BRD10: variants seen among roughly 807,000 people sequenced by gnomAD.
BRD10 encodes uncharacterized bromodomain-containing protein 10.
the BRD10 span, among the ~76,000 whole-genome samples, chr9:6,002,425 T>C: frequency 6.6e-6 from 1 of 152,062 alleles, no homozygotes; most frequent in Non-Finnish European, 1.5e-5. Context: ...ATCCCCAATT[T>C]GTAAAGATTT....
At chr9:5,922,273 T>C in the BRD10 span, 1 of 1,613,894 alleles carries the variant, frequency 6.2e-7, no homozygotes, top group Non-Finnish European at 8.5e-7. Context: ...ACCCATTTAG[T>C]GTTGTTGTTG....
At chr9:5,983,104 C>T in the BRD10 span, among the ~76,000 whole-genome samples, 2 of 152,130 alleles carry the variant, frequency 1.3e-5, no homozygotes, top group Non-Finnish European at 2.9e-5. Flanking sequence ...AAAGTTAAAT[C>T]TGACCAGAAT....
At chr9:5,987,431 C>G in the BRD10 span, among the ~76,000 whole-genome samples, 1 of 152,086 alleles carries the variant, frequency 6.6e-6, no homozygotes, top group Admixed American at 6.5e-5. Flanking sequence ...CTGTACGCTA[C>G]TGTCAAGTTA....
the BRD10 span, chr9:5,920,085 C>A: frequency 1.9e-6 from 3 of 1,613,894 alleles, no homozygotes; most frequent in Non-Finnish European, 2.5e-6. Context: ...CTTGCATTCC[C>A]AAAAGAGTTT....
the BRD10 span, among the ~76,000 whole-genome samples, chr9:6,005,233 G>A: frequency 1.6e-4 from 24 of 152,286 alleles, no homozygotes; most frequent in African/African-American, 4.8e-4. Context: ...ATTATAGGCC[G>A]GGCGCGGTGG....
the BRD10 span, among the ~76,000 whole-genome samples, chr9:5,893,386 G>A: frequency 2.6e-5 from 4 of 152,182 alleles, no homozygotes; most frequent in East Asian, 1.9e-4. Context: ...CTGTGAACCT[G>A]CTCTTTCTTT....
At chr9:6,007,077 C>A in the BRD10 span, 1 of 1,039,882 alleles carries the variant, frequency 9.6e-7, no homozygotes. Context: ...GCTTCTCCAG[C>A]ACCGACTCAG....
chr9:5,952,270 C>G, the BRD10 span, among the ~76,000 whole-genome samples: 2 of 152,056 alleles, frequency 1.3e-5, no homozygotes, highest in African/African-American at 2.4e-5. Flanking sequence ...ATCCGCCTGC[C>G]TCGGCCTCCC....
the BRD10 span, chr9:5,920,188 T>C: frequency 1.1e-5 from 17 of 1,613,898 alleles, no homozygotes; most frequent in African/African-American, 1.7e-4. Context: ...CAGAGTTATC[T>C]ATTGGTGTAG....
the BRD10 span, among the ~76,000 whole-genome samples, chr9:5,998,235 T>C: frequency 3.8e-3 from 573 of 152,240 alleles, 3 homozygotes; most frequent in African/African-American, 0.012. Context: ...TGGAGACTGG[T>C]GAAAGAGGGA....
the BRD10 span, among the ~76,000 whole-genome samples, chr9:5,885,334 G>T: frequency 1.1e-3 from 160 of 151,928 alleles, no homozygotes; most frequent in African/African-American, 3.7e-3. Flanking sequence ...CTTTCTCAAT[G>T]AACAACTTGC....
At chr9:5,890,184 T>G in the BRD10 span, among the ~76,000 whole-genome samples, 20 of 152,342 alleles carry the variant, frequency 1.3e-4, no homozygotes, top group South Asian at 4.1e-3. Flanking sequence ...ATGATTGGGT[T>G]TCCATGTTCA....
chr9:6,000,869 C>CTCCCTTGTA, the BRD10 span, among the ~76,000 whole-genome samples: 56 of 152,230 alleles, frequency 3.7e-4, 2 homozygotes, highest in South Asian at 0.012. Flanking sequence ...CTGCCATTGG[C>CTCCCTTGTA]TCCCTTGTAT....
the BRD10 span, among the ~76,000 whole-genome samples, chr9:5,986,083 A>T: frequency 6.6e-6 from 1 of 152,164 alleles, no homozygotes; most frequent in African/African-American, 2.4e-5. Flanking sequence ...CCTAGGTATT[A>T]CGTTCAGCAT....
chr9:5,941,814 G>A, the BRD10 span, among the ~76,000 whole-genome samples: 1 of 152,056 alleles, frequency 6.6e-6, no homozygotes, highest in Non-Finnish European at 1.5e-5. Flanking sequence ...AAAATGGAAT[G>A]TTTACCTGAG....
chr9:5,895,580 T>C, the BRD10 span, among the ~76,000 whole-genome samples: 384 of 152,326 alleles, frequency 2.5e-3, 1 homozygote, highest in Non-Finnish European at 4.6e-3. Flanking sequence ...TTGGGTATTA[T>C]GTATCTCTTT....
At chr9:5,906,804 A>G in the BRD10 span, 110 of 852,246 alleles carry the variant, frequency 1.3e-4, no homozygotes, top group Non-Finnish European at 5.9e-5. Context: ...CTCATTCTTA[A>G]AACTTTGGCT....
the BRD10 span, among the ~76,000 whole-genome samples, chr9:5,934,114 C>T: frequency 6.7e-6 from 1 of 149,884 alleles, no homozygotes; most frequent in African/African-American, 2.5e-5. Flanking sequence ...TAAAAATATA[C>T]AAAGAATGCT....
chr9:5,973,398 C>T, the BRD10 span, among the ~76,000 whole-genome samples: 1 of 152,134 alleles, frequency 6.6e-6, no homozygotes, highest in African/African-American at 2.4e-5. Context: ...ACCTGGGAGG[C>T]AGAGGCTGCA....
Sources: allele counts gnomAD v4.1 joint callset (sites outside exome capture counted in the v4.1 genomes callset), GRCh38; gene constraint gnomAD v4.1.1; transcripts MANE v1.5; gene names NCBI Gene and HGNC (gene_info 2026-07-23, HGNC 2026-07-21).